The following BRD3 variants were observed in gnomAD, a reference collection of about 807,000 sequenced individuals.
BRD3 encodes bromodomain-containing protein 3.
In BRD3, 17 loss-of-function variants were observed where a neutral mutation model predicts 66.8. The observed-to-expected ratio is 0.25, with a 90% CI of 0.17 to 0.38. The LOEUF (loss-of-function observed/expected upper bound fraction) is 0.38. Ranked by LOEUF, BRD3 falls within the 10% of genes least tolerant of loss-of-function variation. The probability of loss-of-function intolerance (pLI) is 1.00; values close to 1 mark genes in which losing one functional copy is unlikely to be tolerated. For missense variants in BRD3, 713 were observed against 956.1 expected (o/e 0.75, Z 3.35); for synonymous variants, 421 against 393.2 (o/e 1.07, Z -0.84).
intron 2 of BRD3, 29 bp downstream of exon 2, chr9:134,053,220 CGGCAGCAGCAGAACGT>C: frequency 6.3e-7 from 1 of 1,598,786 alleles, no homozygotes; most frequent in Non-Finnish European, 8.6e-7. Flanking sequence ...GGACAGAGGA[CGGCAGCAGCAGAACGT>C]GGCTCTTGGG....
At position 134,041,868 on chromosome 9, in the gene BRD3, C is replaced by G. The variant is rs749998227; in HGVS notation, c.1299G>C (p.Val433=). Residue 433 remains valine, a synonymous_variant, in exon 8 of 12, where the codon GTG becomes GTC. Transcript: ENST00000303407. The part of the protein sequence containing the change: ...PALPAPAAPM[V]SKGAESSRSS... ...TACGGCTGCTCTCAGCGCCCTTGCT[C>G]ACCATGGGGGCCGCGGGGGCAGGCA... 6.2e-7 allele frequency: 1 copy of G among 1,612,704 alleles called. No homozygotes were observed. Among genetic ancestry groups the G allele is most frequent in the Non-Finnish European group, 8.5e-7 (1 of 1,179,606 alleles).
Position 134,031,921 on chromosome 9 carries a change from G to T in BRD3, c.*1669C>A, listed in dbSNP as rs747665555. ...TCATTTCCGGACTAACTGTGACAACGCGTGAGCAGGGAGCACCGTGCGAGT... is the reference window on the plus strand; with the variant it reads ...TCATTTCCGGACTAACTGTGACAACTCGTGAGCAGGGAGCACCGTGCGAGT... On this transcript the variant is annotated 3_prime_UTR_variant, in exon 12 of 12. Coordinates refer to ENST00000303407, the MANE Select transcript of BRD3 (RefSeq NM_007371.4). The T allele has an allele frequency of 1.4e-5, 3 of 218,712 alleles. No homozygotes were observed. The highest frequency in any genetic ancestry group is 2.8e-5 in the Non-Finnish European group (3 of 108,816). 13.5% of individuals were successfully genotyped at this position (218,712 alleles called of 1,614,324 possible).
At position 134,051,870 on chromosome 9, in the gene BRD3, TG is replaced by T. The variant is rs1448574668; in HGVS notation, c.352-162del. On this transcript the variant is annotated intron_variant, in intron 3 of 11. Transcript: ENST00000303407. ...ATATGTGTGTGTGTGTGTGTGTGTG[TG>T]TGTGTGTTGTTTTTTTTGTTTTTTT... is the stretch of plus-strand genomic sequence containing the variant. Among the ~76,000 whole-genome samples, 94 of 109,122 alleles carry T rather than the reference TG, an allele frequency of 8.6e-4. 2 individuals carry two copies. Among genetic ancestry groups the T allele is most frequent in the African/African-American group, 4.0e-3 (87 of 21,562 alleles). 71.6% of individuals were successfully genotyped at this position (109,122 alleles called of 152,430 possible).
Position 134,040,185 on chromosome 9 carries a change from C to A in BRD3, c.1492G>T (p.Glu498Ter). 1 of 1,568,180 alleles carries A rather than the reference C, an allele frequency of 6.4e-7. No individual in the cohort carries two copies. Among genetic ancestry groups the A allele is most frequent in the East Asian group, 2.3e-5 (1 of 42,638 alleles). The change falls in exon 9 of 12, where the codon GAG becomes TAG. Residue 498 changes from glutamate to a stop codon, truncating the protein, a stop_gained. Coordinates refer to ENST00000303407, the MANE Select transcript of BRD3 (RefSeq NM_007371.4). LOFTEE classifies it high-confidence loss of function. ...TTCTCCTTGTCCTTCTTCTTCTTCT[C>A]CTTCTCCTTCTTCTCCTTCTTCTTC... The part of the protein sequence containing the change: ...PKKKKEKKEK[E>*]KKKKDKEKEK...
intron 1 of BRD3, among the ~76,000 whole-genome samples, chr9:134,059,083 C>T (rs932579179): frequency 1.3e-5 from 2 of 152,198 alleles, no homozygotes; most frequent in African/African-American, 4.8e-5. Context: ...TTCAAAAGTC[C>T]TCATCTTTCA....
Position 134,031,954 on chromosome 9 carries a change from A to G in BRD3, c.*1636T>C. 4.6e-6 allele frequency: 1 copy of G among 217,242 alleles called. No homozygotes were observed. Among genetic ancestry groups the G allele is most frequent in the Non-Finnish European group, 9.3e-6 (1 of 107,820 alleles). The allele number at this position is 217,242 out of a possible 1,614,324, so 13.5% of individuals were successfully genotyped here. ...AGGGAGCACCGTGCGAGTCTCCGGGAGGGAATCCTCCTGGGGCCCAGAGAC... is the reference window on the plus strand; with the variant it reads ...AGGGAGCACCGTGCGAGTCTCCGGGGGGGAATCCTCCTGGGGCCCAGAGAC... On this transcript the variant is annotated 3_prime_UTR_variant, in exon 12 of 12. Transcript: ENST00000303407.
intron 1 of BRD3, among the ~76,000 whole-genome samples, chr9:134,062,684 G>A (rs1178817768): frequency 6.6e-6 from 1 of 152,216 alleles, no homozygotes. Context: ...CCCTCATGAG[G>A]CGCGTGAGGA....
chr9:134,051,235 T>C (rs1436124872), intron 4 of BRD3, among the ~76,000 whole-genome samples: 1 of 152,170 alleles, frequency 6.6e-6, no homozygotes, highest in Non-Finnish European at 1.5e-5. Context: ...CCACGCGTCG[T>C]GGAAGAAGTG....
At chr9:134,050,680 C>A in intron 4 of BRD3, 92 bp from the exon 5 acceptor site, 1 of 1,085,276 alleles carries the variant, frequency 9.2e-7, no homozygotes. Context: ...AACACGGGTA[C>A]CAGCTCTGTG....
Position 134,034,584 on chromosome 9 carries a change from T to C in BRD3, c.2065+117A>G, listed in dbSNP as rs1843568943. On this transcript the variant is annotated intron_variant, in intron 11 of 11. Coordinates refer to ENST00000303407, the MANE Select transcript of BRD3 (RefSeq NM_007371.4). ...GAGCTCAAGAGCTCGTCTAAGAACA[T>C]GGAGCTCATCAGGAGGTAAGCCACA... 1.8e-5 allele frequency: 25 copies of C among 1,386,936 alleles called. No individual in the cohort carries two copies. In the South Asian group the frequency reaches 3.0e-4, roughly 17 times the overall value. The allele number at this position is 1,386,936 out of a possible 1,614,324, so 85.9% of individuals were successfully genotyped here.
In BRD3 at chr9:134,032,925, C is replaced by A; in HGVS notation, c.*665G>T. The A allele has an allele frequency of 2.7e-6, 1 of 373,414 alleles. No individual in the cohort carries two copies. The highest frequency in any genetic ancestry group is 4.7e-6 in the Non-Finnish European group (1 of 211,696). The allele number at this position is 373,414 out of a possible 1,614,324, so 23.1% of individuals were successfully genotyped here. ...TCAGTGTATGGAAACCTGCAGGCTG[C>A]ATACACAGCCGCTCTGTTCCCTCCG... On this transcript the variant is annotated 3_prime_UTR_variant, in exon 12 of 12. Transcript: ENST00000303407.
intron 1 of BRD3, chr9:134,054,294 A>G (rs2520096): frequency 0.36 from 54,582 of 152,032 alleles, 10,391 homozygotes; most frequent in East Asian, 0.63. Context: ...CTCTGCACAC[A>G]CGAGATGCTG....
chr9:134,042,682 C>CACACACACATAT (rs890682071), intron 7 of BRD3, among the ~76,000 whole-genome samples: 1 of 138,470 alleles, frequency 7.2e-6, no homozygotes, highest in Non-Finnish European at 1.6e-5. Flanking sequence ...TATATATACA[C>CACACACACATAT]ACACACACAT....
At position 134,053,513 on chromosome 9, in the gene BRD3, G is replaced by A. The variant is rs778010033; in HGVS notation, c.-36C>T. On this transcript the variant is annotated 5_prime_UTR_variant, in exon 2 of 12. Coordinates refer to ENST00000303407, the MANE Select transcript of BRD3 (RefSeq NM_007371.4). ...CTCACTCACTTTCTGTCACAGCAGC[G>A]GCTTGGAGAGGCCCTGGCTGCTTCT... 4.1e-5 allele frequency: 63 copies of A among 1,531,614 alleles called. 1 individual carries two copies. The African/African-American group carries it at 4.4e-4, about 11-fold the overall frequency. 94.9% of individuals were successfully genotyped at this position (1,531,614 alleles called of 1,614,324 possible).
Position 134,036,613 on chromosome 9 carries a change from G to T in BRD3, c.1644-289C>A, listed in dbSNP as rs773195710. On this transcript the variant is annotated intron_variant, in intron 9 of 11. Transcript: ENST00000303407. ...ATCTCTGTATTCAGGTAATCCAAAA[G>T]AAGGCAAAAAAGGGGGAACAAAGGA... The T allele has an allele frequency of 5.1e-6, 8 of 1,578,346 alleles. No homozygotes were observed. In the Admixed American group the frequency reaches 1.0e-4, roughly 20 times the overall value.
chr9:134,047,515 C>T (rs745469872), intron 6 of BRD3, among the ~76,000 whole-genome samples: 31 of 152,224 alleles, frequency 2.0e-4, no homozygotes, highest in Admixed American at 3.9e-4. Context: ...TGCTGTGAGG[C>T]ACACAAGAGC....
chr9:134,038,876 T>C (rs963926413), intron 9 of BRD3, among the ~76,000 whole-genome samples: 1 of 152,138 alleles, frequency 6.6e-6, no homozygotes, highest in African/African-American at 2.4e-5. Context: ...TTTGGAAACA[T>C]CCTTATTTTA....
intron 8 of BRD3, among the ~76,000 whole-genome samples, chr9:134,041,401 A>G (rs572488355): frequency 3.4e-4 from 52 of 152,298 alleles, no homozygotes; most frequent in African/African-American, 1.2e-3. Flanking sequence ...ACCCCACTGC[A>G]AGTGACTGCT....
chr9:134,046,527 A>T (rs958824306), intron 6 of BRD3, among the ~76,000 whole-genome samples: 6 of 152,202 alleles, frequency 3.9e-5, no homozygotes, highest in African/African-American at 7.2e-5. Flanking sequence ...CATGAGACCC[A>T]TCCAGAAGGA....
Sources: gnomAD v4.1 joint callset for allele counts (sites outside exome capture counted in the v4.1 genomes callset) on GRCh38, gnomAD v4.1.1 for gene constraint, MANE v1.5 for transcripts, NCBI Gene and HGNC (gene_info 2026-07-23, HGNC 2026-07-21) for gene names.